Variants in ISM1 observed in about 807,000 individuals in gnomAD.
The protein encoded by ISM1 is isthmin-1.
ISM1 carries 25 observed loss-of-function variants against 46.3 expected under a neutral mutation model. That is an observed-to-expected ratio of 0.54 (90% confidence interval 0.39 to 0.75). The LOEUF is 0.75. Among genes scored for constraint, ISM1 ranks in the 30% least tolerant of loss-of-function variants. ISM1 has a pLI of 0.00. For synonymous variants in ISM1, 255 were observed against 256.7 expected (o/e 0.99, Z 0.06); for missense variants, 536 against 625.4 (o/e 0.86, Z 1.52).
At chr20:13,226,054 C>T (rs967584729) in intron 1 of ISM1, among the ~76,000 whole-genome samples, 2 of 152,106 alleles carry the variant, frequency 1.3e-5, no homozygotes, top group Non-Finnish European at 2.9e-5. Context: ...AGTAGTAAGT[C>T]AGAACTCATT....
At chr20:13,323,476 T>G in the ISM1 span, among the ~76,000 whole-genome samples, 1 of 152,310 alleles carries the variant, frequency 6.6e-6, no homozygotes, top group Admixed American at 6.5e-5. Flanking sequence ...CCTTTCCCAA[T>G]GTAACTTATA....
chr20:13,293,378 A>G (rs1410850992), intron 5 of ISM1, among the ~76,000 whole-genome samples: 1 of 152,130 alleles, frequency 6.6e-6, no homozygotes, highest in East Asian at 1.9e-4. Flanking sequence ...GTGCTTCTCT[A>G]TATACTTAAG....
chr20:13,225,361 G>A (rs946176932), intron 1 of ISM1, among the ~76,000 whole-genome samples: 3 of 152,184 alleles, frequency 2.0e-5, no homozygotes, highest in African/African-American at 7.2e-5. Flanking sequence ...TCAAGAGAGA[G>A]AAAGGCTTTT....
chr20:13,284,680 C>T (rs539935203), intron 3 of ISM1, among the ~76,000 whole-genome samples: 115 of 152,240 alleles, frequency 7.6e-4, no homozygotes, highest in Non-Finnish European at 1.4e-3. Flanking sequence ...GATGGGGGCC[C>T]GTGTGCTGTG....
intron 3 of ISM1, among the ~76,000 whole-genome samples, chr20:13,281,266 G>T (rs2040235751): frequency 6.6e-6 from 1 of 152,152 alleles, no homozygotes; most frequent in African/African-American, 2.4e-5. Flanking sequence ...GAGCAAAATA[G>T]TGCCATGGTA....
chr20:13,324,241 C>T, the ISM1 span, among the ~76,000 whole-genome samples: 1 of 152,150 alleles, frequency 6.6e-6, no homozygotes, highest in African/African-American at 2.4e-5. Flanking sequence ...ACTTTCACAG[C>T]CCCACCTCAC....
At chr20:13,259,240 C>G (rs1350460133) in intron 1 of ISM1, among the ~76,000 whole-genome samples, 1 of 150,958 alleles carries the variant, frequency 6.6e-6, no homozygotes, top group Non-Finnish European at 1.5e-5. Flanking sequence ...GAGATCGTAC[C>G]ACTGCACTCC....
chr20:13,242,845 G>A (rs912748938), intron 1 of ISM1, among the ~76,000 whole-genome samples: 1 of 152,190 alleles, frequency 6.6e-6, no homozygotes, highest in African/African-American at 2.4e-5. Flanking sequence ...TAGTTATACA[G>A]ATTTCACCTG....
intron 4 of ISM1, 94 bp from the exon 5 acceptor site, chr20:13,292,280 C>T: frequency 1.3e-6 from 1 of 763,326 alleles, no homozygotes; most frequent in Non-Finnish European, 2.2e-6. Context: ...ACAAAAAAGG[C>T]TTTGTTCAGG....
At position 13,270,515 on chromosome 20, in the gene ISM1, C is replaced by T. The variant is rs376083651; in HGVS notation, c.150C>T (p.Asn50=). The T allele has an allele frequency of 5.0e-4, 809 of 1,612,910 alleles. 4 individuals are homozygous for T. The East Asian group carries it at 5.6e-3, about 11-fold the overall frequency. Reference sequence around the variant, plus strand: ...TTTGTTTGTTTTAGAATAACCTCAACGTGGGAAGTGACACCACATCAGAAA... The same window carrying T: ...TTTGTTTGTTTTAGAATAACCTCAATGTGGGAAGTGACACCACATCAGAAA... ...ASQAQLQNNL[N]VGSDTTSETS... Residue 50 remains asparagine (N), a synonymous_variant, in exon 2 of 6, where the codon AAC becomes AAT. Coordinates refer to ENST00000262487, the MANE Select transcript of ISM1 (RefSeq NM_080826.2).
chr20:13,256,338 C>T (rs2039928413), intron 1 of ISM1, among the ~76,000 whole-genome samples: 1 of 145,362 alleles, frequency 6.9e-6, no homozygotes, highest in Non-Finnish European at 1.5e-5. Context: ...GGAGGTTACA[C>T]TGAGCCTAGA....
intron 1 of ISM1, among the ~76,000 whole-genome samples, chr20:13,268,194 C>T (rs988722363): frequency 3.3e-5 from 5 of 151,370 alleles, no homozygotes; most frequent in South Asian, 2.1e-4. Flanking sequence ...CTCTTCACTT[C>T]GCTTCTCTTC....
chr20:13,322,039 T>TA, the ISM1 span, among the ~76,000 whole-genome samples: 2 of 152,328 alleles, frequency 1.3e-5, no homozygotes, highest in East Asian at 3.9e-4. Context: ...ATTGTGCATG[T>TA]GTATCGCTTA....
chr20:13,238,782 TC>T (rs1449919465), intron 1 of ISM1, among the ~76,000 whole-genome samples: 1 of 152,152 alleles, frequency 6.6e-6, no homozygotes, highest in Non-Finnish European at 1.5e-5. Context: ...TCCAGAATAA[TC>T]CTTTCAGGTT....
rs2040449744 is a variant in ISM1 at position 13,300,576 on chromosome 20, G to A, written c.*1117G>A. On this transcript the variant is annotated 3_prime_UTR_variant, in exon 6 of 6. Coordinates refer to ENST00000262487, the MANE Select transcript of ISM1 (RefSeq NM_080826.2). Reference sequence around the variant, plus strand: ...TGGGGTAGAACTTAGGAAAAATAAAGTTGGTTCTTATTCAATATTTTACTT... The same window carrying A: ...TGGGGTAGAACTTAGGAAAAATAAAATTGGTTCTTATTCAATATTTTACTT... The A allele has an allele frequency of 6.6e-6, 1 of 152,176 alleles. No homozygotes were observed. Among genetic ancestry groups the A allele is most frequent in the African/African-American group, 2.4e-5 (1 of 41,446 alleles). The allele number at this position is 152,176 out of a possible 1,614,324, so 9.4% of individuals were successfully genotyped here.
intron 3 of ISM1, among the ~76,000 whole-genome samples, 166 bp downstream of exon 3, chr20:13,280,064 C>T (rs1326587356): frequency 3.9e-5 from 6 of 152,156 alleles, no homozygotes. Context: ...GAGGCACCAG[C>T]AGCCACATTT....
At position 13,221,467 on chromosome 20, in the gene ISM1, TCCGCCG is replaced by T. The variant is rs1415339300; in HGVS notation, c.-298_-293del. Among the ~76,000 whole-genome samples, 95 of 142,118 alleles carry T rather than the reference TCCGCCG, an allele frequency of 6.7e-4. No homozygotes were observed. Among genetic ancestry groups the T allele is most frequent in the Middle Eastern group, 3.7e-3 (1 of 272 alleles). The allele number at this position is 142,118 out of a possible 152,430, so 93.2% of individuals were successfully genotyped here. A position where few individuals can be genotyped will look rare whatever the true frequency, so the allele number is the denominator to read the frequency against. ...GCTGTCCCGGGACCCAGTCTCCGTC[TCCGCCG>T]CCGCCGCCGCCAGGCAGCGCCGGGG... On this transcript the variant is annotated 5_prime_UTR_variant, in exon 1 of 6. Transcript: ENST00000262487.
At chr20:13,325,313 G>C in the ISM1 span, among the ~76,000 whole-genome samples, 2 of 152,240 alleles carry the variant, frequency 1.3e-5, no homozygotes, top group Non-Finnish European at 2.9e-5. Context: ...TATTGGGGAA[G>C]AAAATCTGCA....
intron 1 of ISM1, among the ~76,000 whole-genome samples, chr20:13,230,850 C>T (rs537847196): frequency 1.6e-4 from 24 of 152,152 alleles, no homozygotes; most frequent in African/African-American, 4.3e-4. Context: ...AACATAAATA[C>T]GTAAAACCTA....
Sources: gnomAD v4.1 joint callset for allele counts (sites outside exome capture counted in the v4.1 genomes callset) on GRCh38, gnomAD v4.1.1 for gene constraint, MANE v1.5 for transcripts, NCBI Gene and HGNC (gene_info 2026-07-23, HGNC 2026-07-21) for gene names.